The following MAGI2 variants were observed in gnomAD, a reference collection of about 807,000 sequenced individuals.
MAGI2 encodes the protein membrane-associated guanylate kinase, WW and PDZ domain-containing protein 2.
Under a neutral mutation model 133.3 loss-of-function variants are expected in MAGI2, and 35 were observed. The observed-to-expected ratio is 0.26, with a 90% CI of 0.20 to 0.35. MAGI2 has a LOEUF of 0.35. Among genes scored for constraint, MAGI2 ranks in the 10% least tolerant of loss-of-function variants. The pLI is 1.00. For missense variants in MAGI2, 1,636 were observed against 1,863.4 expected (o/e 0.88, Z 2.25); for synonymous variants, 729 against 710.6 (o/e 1.03, Z -0.41).
At chr7:79,398,978 A>G (rs1271497064) in intron 1 of MAGI2, among the ~76,000 whole-genome samples, 1 of 152,140 alleles carries the variant, frequency 6.6e-6, no homozygotes, top group East Asian at 1.9e-4. Flanking sequence ...TTCCATGTTC[A>G]AAATATTTCC....
In MAGI2 at chr7:79,007,058, A is replaced by G. The variant is rs373605485; in HGVS notation, c.418+32T>C. 5.3e-5 allele frequency: 75 copies of G among 1,406,424 alleles called. No individual in the cohort carries two copies. In the African/African-American group the frequency reaches 9.7e-4, roughly 18 times the overall value. 87.1% of individuals were successfully genotyped at this position (1,406,424 alleles called of 1,614,324 possible). A position where few individuals can be genotyped will look rare whatever the true frequency, so the allele number is the denominator to read the frequency against. On this transcript the variant is annotated intron_variant, in intron 2 of 21. Coordinates refer to ENST00000354212, the MANE Select transcript of MAGI2 (RefSeq NM_012301.4). ...TATAGCTAAACATTTATCTCTCAAC[A>G]TAAAAATATTAATACTGCCCATTGT... is the stretch of plus-strand genomic sequence containing the variant.
intron 9 of MAGI2, among the ~76,000 whole-genome samples, chr7:78,261,223 A>G (rs798323): frequency 0.3 from 44,858 of 151,990 alleles, 7,273 homozygotes; most frequent in East Asian, 0.48. Context: ...TCACCACCAA[A>G]TAAGTTATTA....
chr7:78,649,336 T>C (rs1811295255), intron 2 of MAGI2, among the ~76,000 whole-genome samples: 1 of 151,686 alleles, frequency 6.6e-6, no homozygotes, highest in Admixed American at 6.6e-5. Context: ...AATGAGTATT[T>C]ACATGTTAGG....
At chr7:78,673,527 G>C (rs1814642894) in intron 2 of MAGI2, among the ~76,000 whole-genome samples, 1 of 152,016 alleles carries the variant, frequency 6.6e-6, no homozygotes, top group Admixed American at 6.6e-5. Context: ...CCAGACACAA[G>C]AGGAACCAAT....
At chr7:78,496,910 T>C (rs1794135430) in intron 5 of MAGI2, among the ~76,000 whole-genome samples, 1 of 152,172 alleles carries the variant, frequency 6.6e-6, no homozygotes, top group Admixed American at 6.5e-5. Context: ...TAAACCTCTG[T>C]TGAATAAACA....
chr7:78,416,411 AACTT>A lies in MAGI2; in HGVS notation c.1046-47202_1046-47199del, dbSNP rs1302672383. Among the ~76,000 whole-genome samples the A allele has an allele frequency of 2.6e-5, 4 of 151,712 alleles. No individual in the cohort carries two copies. In the South Asian group the frequency reaches 6.2e-4, roughly 24 times the overall value. On this transcript the variant is annotated intron_variant, in intron 6 of 21. Transcript: ENST00000354212. ...TACATGATTGGAAAATAAATATTGA[AACTT>A]AATTTAATAAAATGTGTTAGCACTA...
At chr7:78,921,377 T>A (rs1799208778) in intron 2 of MAGI2, among the ~76,000 whole-genome samples, 1 of 152,090 alleles carries the variant, frequency 6.6e-6, no homozygotes, top group Non-Finnish European at 1.5e-5. Context: ...AAATGTAGAT[T>A]CCTAAGTTCA....
At chr7:78,109,314 AAAAAAAAAAAAAAAAAAAAAGAAAAAAG>A (rs1819087875) in intron 20 of MAGI2, among the ~76,000 whole-genome samples, 1 of 122,738 alleles carries the variant, frequency 8.1e-6, no homozygotes, top group Non-Finnish European at 1.6e-5. Flanking sequence ...AAAAAAAAAA[AAAAAAAAAAAAAAAAAAAAAGAAAAAAG>A]AAAAAAAAAA....
chr7:78,676,475 G>A (rs537685056), intron 2 of MAGI2, among the ~76,000 whole-genome samples: 1 of 152,124 alleles, frequency 6.6e-6, no homozygotes, highest in South Asian at 2.1e-4. Flanking sequence ...TGTTTTATTG[G>A]AAAAGCCAAC....
At position 79,453,268 on chromosome 7, in the gene MAGI2, C is replaced by T. The variant is rs768459769; in HGVS notation, c.53G>A (p.Ser18Asn). Residue 18 changes from serine to asparagine, a missense_variant, in exon 1 of 22, where the codon AGT becomes AAT. Around this residue, in one of 5 missense-constraint regions of MAGI2, gnomAD observed 148 missense variants for 239.0 expected, o/e 0.62. Coordinates refer to ENST00000354212, the MANE Select transcript of MAGI2 (RefSeq NM_012301.4). ...GCCCTCCGGGTTCCTGCCAATGACA[C>T]TCTCATGGACTTTGCTAGTCCAGTG... ...KSHWTSKVHE[S>N]VIGRNPEGQL... 1 of 1,614,070 alleles carries T rather than the reference C, an allele frequency of 6.2e-7. No individual in the cohort carries two copies. The highest frequency in any genetic ancestry group is 8.5e-7 in the Non-Finnish European group (1 of 1,180,032).
chr7:79,422,007 T>C (rs1450235224), intron 1 of MAGI2, among the ~76,000 whole-genome samples: 2 of 152,038 alleles, frequency 1.3e-5, no homozygotes, highest in East Asian at 3.9e-4. Flanking sequence ...ATTTGTTTCA[T>C]TGCAATACGC....
At chr7:78,521,275 T>A (rs1232183270) in intron 4 of MAGI2, among the ~76,000 whole-genome samples, 155 bp downstream of exon 4, 1 of 152,124 alleles carries the variant, frequency 6.6e-6, no homozygotes, top group East Asian at 1.9e-4. Flanking sequence ...ATAATTATAA[T>A]AATTACACGT....
At chr7:78,299,172 T>C (rs1167771027) in intron 9 of MAGI2, among the ~76,000 whole-genome samples, 1 of 152,116 alleles carries the variant, frequency 6.6e-6, no homozygotes, top group Non-Finnish European at 1.5e-5. Flanking sequence ...ATTGGGAAGG[T>C]CAAAGTAAAA....
chr7:78,353,099 A>C (rs1252343825), intron 7 of MAGI2: 2 of 152,232 alleles, frequency 1.3e-5, no homozygotes, highest in Non-Finnish European at 2.9e-5. Flanking sequence ...GTGCAGGAGG[A>C]GATCATTGTT....
chr7:78,697,684 A>G (rs1817659476), intron 2 of MAGI2, among the ~76,000 whole-genome samples: 1 of 152,154 alleles, frequency 6.6e-6, no homozygotes, highest in African/African-American at 2.4e-5. Flanking sequence ...CCTCACTGTA[A>G]AAAATACAAT....
intron 1 of MAGI2, among the ~76,000 whole-genome samples, chr7:79,285,471 A>AAAT (rs1835933564): frequency 6.6e-6 from 1 of 152,088 alleles, no homozygotes; most frequent in Admixed American, 6.6e-5. Context: ...TCAGTGTCTG[A>AAAT]TGTTTGTCTC....
At chr7:79,344,062 G>A (rs1329558919) in intron 1 of MAGI2, among the ~76,000 whole-genome samples, 1 of 152,086 alleles carries the variant, frequency 6.6e-6, no homozygotes, top group African/African-American at 2.4e-5. Flanking sequence ...AGTGAGAACT[G>A]GATAAACTAG....
intron 3 of MAGI2, among the ~76,000 whole-genome samples, chr7:78,592,877 C>T (rs1430980240): frequency 7.2e-6 from 1 of 138,086 alleles, no homozygotes; most frequent in Admixed American, 7.7e-5. Flanking sequence ...CTCTGTTGCC[C>T]AGGCTGGAGG....
chr7:78,474,555 GAGTGAGATCT>G (rs1230472537), intron 6 of MAGI2, among the ~76,000 whole-genome samples: 12 of 151,912 alleles, frequency 7.9e-5, no homozygotes, highest in Non-Finnish European at 1.5e-5. Flanking sequence ...TCAAAATTCA[GAGTGAGATCT>G]ATACATTTTA....
Sources: allele counts gnomAD v4.1 joint callset (sites outside exome capture counted in the v4.1 genomes callset), GRCh38; gene constraint gnomAD v4.1.1; regional missense constraint gnomAD v4.1.1; transcripts MANE v1.5; gene names NCBI Gene and HGNC (gene_info 2026-07-23, HGNC 2026-07-21).